The following SNX24 variants were observed in gnomAD, a reference collection of about 807,000 sequenced individuals.
SNX24 encodes the protein sorting nexin-24.
In SNX24, 22 loss-of-function variants were observed where a neutral mutation model predicts 28.7. The ratio of observed to expected loss-of-function variants is 0.77; its 90% CI spans 0.55 to 1.10. SNX24 has a LOEUF of 1.10. Among genes scored for constraint, SNX24 ranks in the 50% least tolerant of loss-of-function variants. The probability of loss-of-function intolerance (pLI) is 0.00; values close to 1 mark genes in which losing one functional copy is unlikely to be tolerated. For missense variants in SNX24, 221 were observed against 201.1 expected, an observed-to-expected ratio of 1.10 and a Z score of -0.60; for synonymous variants, 69 against 71.5, an observed-to-expected ratio of 0.96 and a Z score of 0.18.
At chr5:123,026,092 T>A in intron 5 of SNX24, 1 of 783,758 alleles carries the variant, frequency 1.3e-6, no homozygotes, top group East Asian at 2.8e-5. Context: ...GGGGAAGACA[T>A]GTTCAAACAT....
chr5:123,025,790 A>G, intron 5 of SNX24: 1 of 1,612,898 alleles, frequency 6.2e-7, no homozygotes, highest in South Asian at 1.1e-5. Context: ...TTACCATCCC[A>G]TCAATGACTT....
intron 6 of SNX24, among the ~76,000 whole-genome samples, chr5:123,002,357 T>A (rs1034483459): frequency 1.3e-5 from 2 of 152,066 alleles, no homozygotes; most frequent in African/African-American, 4.8e-5. Context: ...AAATGCCTCT[T>A]CCCGGCCAGG....
chr5:122,872,237 A>G (rs1486500005), intron 1 of SNX24, among the ~76,000 whole-genome samples: 1 of 151,792 alleles, frequency 6.6e-6, no homozygotes, highest in Non-Finnish European at 1.5e-5. Flanking sequence ...TTGGAGAATA[A>G]CATCTCTAGT....
At position 122,938,658 on chromosome 5, in the gene SNX24, AGGCCGGGCGCG is replaced by A. The variant is rs1759288513; in HGVS notation, c.144+1843_144+1853del. Among the ~76,000 whole-genome samples the A allele has an allele frequency of 5.6e-5, 3 of 53,826 alleles. 1 individual carries two copies. The highest frequency in any genetic ancestry group is 1.4e-4 in the African/African-American group (1 of 7,386). 35.3% of individuals were successfully genotyped at this position (53,826 alleles called of 152,430 possible). On this transcript the variant is annotated intron_variant, in intron 2 of 6. Coordinates refer to ENST00000261369, the MANE Select transcript of SNX24 (RefSeq NM_014035.4). ...AAAAGGTAACTTTAAAAGGCAATGA[AGGCCGGGCGCG>A]GTGGCTCACGCCTGTAATCCCAGCA... is the stretch of plus-strand genomic sequence containing the variant.
At chr5:122,881,142 G>C (rs535981966) in intron 1 of SNX24, among the ~76,000 whole-genome samples, 13 of 152,324 alleles carry the variant, frequency 8.5e-5, no homozygotes, top group African/African-American at 3.1e-4. Context: ...AAGACAGCAG[G>C]AGTGTGTGCA....
At chr5:122,937,174 A>G (rs1234841224) in intron 2 of SNX24, among the ~76,000 whole-genome samples, 3 of 152,258 alleles carry the variant, frequency 2.0e-5, no homozygotes, top group African/African-American at 7.2e-5. Flanking sequence ...GCAAATGATT[A>G]TCTTACAGGA....
At chr5:122,974,379 C>T (rs1479447475) in intron 3 of SNX24, among the ~76,000 whole-genome samples, 1 of 152,188 alleles carries the variant, frequency 6.6e-6, no homozygotes, top group East Asian at 1.9e-4. Flanking sequence ...GAAAATGGAT[C>T]AAAATCTCTG....
At chr5:122,877,939 A>G (rs534454983) in intron 1 of SNX24, among the ~76,000 whole-genome samples, 4 of 152,042 alleles carry the variant, frequency 2.6e-5, no homozygotes, top group African/African-American at 7.2e-5. Flanking sequence ...GCCACTACAC[A>G]TGCCGGATGT....
chr5:122,944,424 T>C (rs535561982), intron 2 of SNX24, among the ~76,000 whole-genome samples: 1 of 68,450 alleles, frequency 1.5e-5, no homozygotes, highest in South Asian at 6.1e-4. Flanking sequence ...CTGAATGACA[T>C]TGATTTTTTT....
intron 1 of SNX24, among the ~76,000 whole-genome samples, chr5:122,914,122 G>A (rs187126661): frequency 1.1e-4 from 16 of 152,214 alleles, no homozygotes; most frequent in African/African-American, 1.9e-4. Flanking sequence ...GAGGGAGACC[G>A]TGGGGAGAGG....
At chr5:122,891,097 CT>C in intron 1 of SNX24, 1 of 1,532,392 alleles carries the variant, frequency 6.5e-7, no homozygotes, top group Admixed American at 2.0e-5. Context: ...CTGGAAATTG[CT>C]TTTTCAAATG....
intron 1 of SNX24, among the ~76,000 whole-genome samples, chr5:122,935,056 T>C (rs914999318): frequency 3.9e-5 from 6 of 152,208 alleles, no homozygotes; most frequent in African/African-American, 1.4e-4. Context: ...ACCGTCTCCC[T>C]GTTTTATAGA....
intron 3 of SNX24, among the ~76,000 whole-genome samples, chr5:122,994,261 A>G (rs1159397306): frequency 6.6e-6 from 1 of 152,126 alleles, no homozygotes; most frequent in Non-Finnish European, 1.5e-5. Flanking sequence ...TTCTCAGTGG[A>G]GATGTGTCAC....
intron 5 of SNX24, among the ~76,000 whole-genome samples, chr5:123,014,913 C>T (rs1038264434): frequency 6.6e-6 from 1 of 152,174 alleles, no homozygotes; most frequent in Non-Finnish European, 1.5e-5. Flanking sequence ...CATCCTTCTT[C>T]AAAGGCTGAC....
chr5:122,882,517 T>C (rs1019856886), intron 1 of SNX24, among the ~76,000 whole-genome samples: 2 of 152,246 alleles, frequency 1.3e-5, no homozygotes, highest in African/African-American at 4.8e-5. Flanking sequence ...CTTCCGGCCT[T>C]GGCACAGCAC....
At chr5:122,957,916 G>GT (rs1286121277) in intron 3 of SNX24, among the ~76,000 whole-genome samples, 4 of 152,202 alleles carry the variant, frequency 2.6e-5, no homozygotes, top group South Asian at 2.1e-4. Context: ...AGTTATAACA[G>GT]TTTTTTTGTA....
At chr5:122,870,691 T>G (rs946292563) in intron 1 of SNX24, among the ~76,000 whole-genome samples, 9 of 152,194 alleles carry the variant, frequency 5.9e-5, no homozygotes, top group Admixed American at 1.3e-4. Context: ...GGGAGACTCA[T>G]GCAGCATTTC....
chr5:122,854,522 A>C (rs1027635449), intron 1 of SNX24, among the ~76,000 whole-genome samples: 2 of 151,046 alleles, frequency 1.3e-5, no homozygotes, highest in Non-Finnish European at 3.0e-5. Flanking sequence ...AAACAAAAAA[A>C]AAAAACAAAA....
At chr5:123,026,120 G>A in intron 5 of SNX24, 3 of 655,668 alleles carry the variant, frequency 4.6e-6, no homozygotes, top group Non-Finnish European at 7.4e-6. Flanking sequence ...CATGAAGGAG[G>A]GAATAAAATT....
Sources: gnomAD v4.1 joint callset for allele counts (sites outside exome capture counted in the v4.1 genomes callset) on GRCh38, gnomAD v4.1.1 for gene constraint, MANE v1.5 for transcripts, NCBI Gene and HGNC (gene_info 2026-07-23, HGNC 2026-07-21) for gene names.